The following ERC2 variants were observed in gnomAD, a reference collection of about 807,000 sequenced individuals.
The protein encoded by ERC2 is ERC protein 2.
ERC2 carries 42 observed loss-of-function variants against 114.8 expected under a neutral mutation model. The ratio of observed to expected loss-of-function variants is 0.37; its 90% CI spans 0.29 to 0.47. ERC2 has a LOEUF of 0.47. Among genes scored for constraint, ERC2 ranks in the 20% least tolerant of loss-of-function variants. The pLI, the probability that ERC2 is intolerant of heterozygous loss-of-function variation, is 0.99. For synonymous variants in ERC2, 454 were observed against 425.5 expected (o/e 1.07, Z -0.82); for missense variants, 939 against 1,150.7 (o/e 0.82, Z 2.66).
At chr3:55,681,835 C>T (rs943455746) in intron 17 of ERC2, among the ~76,000 whole-genome samples, 50 of 152,194 alleles carry the variant, frequency 3.3e-4, no homozygotes, top group African/African-American at 1.2e-3. Context: ...GGTCTTGGAG[C>T]CAATTCCATC....
intron 7 of ERC2, among the ~76,000 whole-genome samples, chr3:56,028,291 C>A (rs373882650): frequency 6.6e-6 from 1 of 152,006 alleles, no homozygotes; most frequent in South Asian, 2.1e-4. Context: ...GGGGGTTATG[C>A]CTTTTCATAA....
chr3:56,000,641 A>G lies in ERC2; in HGVS notation c.2061+6540T>C, dbSNP rs542121034. On this transcript the variant is annotated intron_variant, in intron 10 of 17. Coordinates refer to ENST00000288221, the MANE Select transcript of ERC2 (RefSeq NM_015576.3). ...AAGTTATGTAAAATGACAATTCTCA[A>G]TGTTGGCCAGGGTGCGGCAGAAAGG... 9.9e-4 allele frequency among the ~76,000 whole-genome samples: 151 copies of G among 152,262 alleles called. 1 individual carries two copies. The highest frequency in any genetic ancestry group is 3.2e-3 in the African/African-American group (132 of 41,560).
chr3:55,643,911 G>T (rs1267347307), intron 17 of ERC2, among the ~76,000 whole-genome samples: 2 of 152,102 alleles, frequency 1.3e-5, no homozygotes, highest in Non-Finnish European at 2.9e-5. Context: ...CAAGATAAAT[G>T]GAAAAAATAA....
At chr3:55,892,705 C>T (rs920208029) in intron 13 of ERC2, among the ~76,000 whole-genome samples, 2 of 151,838 alleles carry the variant, frequency 1.3e-5, no homozygotes, top group Admixed American at 1.3e-4. Flanking sequence ...TATATTTATG[C>T]ACATATAATT....
intron 4 of ERC2, among the ~76,000 whole-genome samples, chr3:56,149,642 G>A (rs1446814773): frequency 6.6e-6 from 1 of 152,144 alleles, no homozygotes; most frequent in African/African-American, 2.4e-5. Flanking sequence ...CTAAAATACA[G>A]ACGTAAGTGA....
intron 2 of ERC2, among the ~76,000 whole-genome samples, chr3:56,358,227 C>T (rs1030031800): frequency 6.6e-6 from 1 of 152,174 alleles, no homozygotes; most frequent in African/African-American, 2.4e-5. Flanking sequence ...TTTCTGATTA[C>T]ACCGAACAAT....
intron 3 of ERC2, among the ~76,000 whole-genome samples, chr3:56,294,707 C>T (rs2055314639): frequency 6.6e-6 from 1 of 152,224 alleles, no homozygotes; most frequent in African/African-American, 2.4e-5. Flanking sequence ...TTATGAGGAT[C>T]AACCAATACT....
At chr3:55,811,049 G>T (rs2059702350) in intron 14 of ERC2, among the ~76,000 whole-genome samples, 1 of 152,172 alleles carries the variant, frequency 6.6e-6, no homozygotes, top group Non-Finnish European at 1.5e-5. Flanking sequence ...AGAACTTGGT[G>T]ATACGGAAAG....
intron 2 of ERC2, among the ~76,000 whole-genome samples, chr3:56,350,506 G>A (rs750443794): frequency 1.7e-4 from 26 of 152,072 alleles, no homozygotes; most frequent in Non-Finnish European, 3.1e-4. Context: ...CTCAAACTCA[G>A]GAAATTCCAG....
chr3:56,096,119 ATAAAG>A (rs993100734), intron 6 of ERC2, among the ~76,000 whole-genome samples: 3 of 152,210 alleles, frequency 2.0e-5, no homozygotes, highest in African/African-American at 7.2e-5. Flanking sequence ...GCACTAAGAG[ATAAAG>A]TAGAGACAAT....
intron 2 of ERC2, among the ~76,000 whole-genome samples, chr3:56,407,807 G>A (rs961993674): frequency 6.6e-6 from 1 of 152,102 alleles, no homozygotes; most frequent in Non-Finnish European, 1.5e-5. Context: ...ACGACAGCAG[G>A]TAGATACACC....
At chr3:56,252,179 C>T (rs944441225) in intron 3 of ERC2, among the ~76,000 whole-genome samples, 1 of 152,188 alleles carries the variant, frequency 6.6e-6, no homozygotes, top group African/African-American at 2.4e-5. Context: ...CATCCTATAA[C>T]AGTTAAAATA....
intron 17 of ERC2, among the ~76,000 whole-genome samples, chr3:55,592,160 C>A (rs1014877386): frequency 6.6e-6 from 1 of 152,202 alleles, no homozygotes; most frequent in Non-Finnish European, 1.5e-5. Context: ...AATCCGGCTT[C>A]CTCAAAGTCT....
chr3:55,591,972 C>G (rs2057912537), intron 17 of ERC2, among the ~76,000 whole-genome samples: 1 of 152,230 alleles, frequency 6.6e-6, no homozygotes, highest in Non-Finnish European at 1.5e-5. Context: ...TCTCTAAGGC[C>G]TTTTTCTAGA....
chr3:56,341,762 C>T (rs971320909), intron 2 of ERC2, among the ~76,000 whole-genome samples: 3 of 152,164 alleles, frequency 2.0e-5, no homozygotes, highest in African/African-American at 7.2e-5. Context: ...AAAGACCCCT[C>T]ATTGCAACTA....
At chr3:56,414,724 C>CAAAAA (rs10706985) in intron 2 of ERC2, among the ~76,000 whole-genome samples, 36 of 104,922 alleles carry the variant, frequency 3.4e-4, no homozygotes, top group African/African-American at 1.1e-3. Context: ...GACTCTGTCT[C>CAAAAA]AAAAAAAAAA....
intron 17 of ERC2, among the ~76,000 whole-genome samples, chr3:55,677,774 C>G (rs573460076): frequency 4.6e-5 from 7 of 152,172 alleles, no homozygotes; most frequent in Non-Finnish European, 1.0e-4. Flanking sequence ...TAAATACTCT[C>G]TTTGTGGGGA....
intron 7 of ERC2, among the ~76,000 whole-genome samples, chr3:56,046,873 G>T (rs1478006101): frequency 6.6e-6 from 1 of 152,182 alleles, no homozygotes; most frequent in Non-Finnish European, 1.5e-5. Flanking sequence ...CCTTCCAGCA[G>T]TAACCATCTG....
At chr3:55,884,449 A>C (rs922805772) in intron 14 of ERC2, among the ~76,000 whole-genome samples, 4 of 152,118 alleles carry the variant, frequency 2.6e-5, no homozygotes, top group Admixed American at 6.5e-5. Flanking sequence ...GTTTCTTTAT[A>C]CTGCCTCTTT....
Sources: allele counts gnomAD v4.1 joint callset (sites outside exome capture counted in the v4.1 genomes callset), GRCh38; gene constraint gnomAD v4.1.1; transcripts MANE v1.5; gene names NCBI Gene and HGNC (gene_info 2026-07-23, HGNC 2026-07-21).